FBXO36: variants seen among roughly 807,000 people sequenced by gnomAD.
The protein encoded by FBXO36 is F-box only protein 36.
FBXO36 carries 18 observed loss-of-function variants against 17.0 expected under a neutral mutation model. The observed-to-expected ratio is 1.06, with a 90% CI of 0.73 to 1.57. FBXO36 has a LOEUF of 1.57. FBXO36 is among the 40% of genes most tolerant of loss of function. The pLI is 0.00. For synonymous variants in FBXO36, 83 were observed against 85.3 expected (o/e 0.97, Z 0.15); for missense variants, 229 against 221.9 (o/e 1.03, Z -0.20).
intron 1 of FBXO36, among the ~76,000 whole-genome samples, chr2:229,974,296 G>A (rs1388586241): frequency 1.3e-5 from 2 of 152,050 alleles, no homozygotes; most frequent in Admixed American, 6.6e-5. Context: ...AGCTAGCTGT[G>A]TTTCCTTAAG....
At chr2:229,928,413 C>T (rs955992126) in intron 1 of FBXO36, among the ~76,000 whole-genome samples, 5 of 152,168 alleles carry the variant, frequency 3.3e-5, no homozygotes, top group South Asian at 2.1e-4. Context: ...TTTTACTCTC[C>T]GCATTCATAT....
chr2:229,934,997 T>A (rs1354741181), intron 1 of FBXO36, among the ~76,000 whole-genome samples: 3 of 152,208 alleles, frequency 2.0e-5, no homozygotes, highest in African/African-American at 7.2e-5. Context: ...TATTCTAACC[T>A]CCTCTTTAGA....
intron 2 of FBXO36, among the ~76,000 whole-genome samples, chr2:229,993,857 G>A (rs779610657): frequency 1.4e-4 from 21 of 152,044 alleles, no homozygotes; most frequent in Admixed American, 2.0e-4. Flanking sequence ...TGCAACCTCC[G>A]CCATTCTCCC....
chr2:230,000,544 G>T (rs1461764750), intron 3 of FBXO36, among the ~76,000 whole-genome samples: 1 of 151,836 alleles, frequency 6.6e-6, no homozygotes, highest in Non-Finnish European at 1.5e-5. Context: ...GCTCCTGCAA[G>T]TAAATGGAAG....
intron 1 of FBXO36, among the ~76,000 whole-genome samples, chr2:229,929,611 G>A (rs1337457014): frequency 1.3e-5 from 2 of 151,230 alleles, no homozygotes; most frequent in African/African-American, 4.9e-5. Context: ...GGTGGCTCAT[G>A]CCTGTAATCC....
chr2:229,929,316 A>C lies in FBXO36; in HGVS notation c.96+6707A>C, dbSNP rs185177410. ...TGGTAGCTCACACCTGTAATCCCAGAACTTTGGGAGCCTGAGGCAGGCAGA... is the reference window on the plus strand; with the variant it reads ...TGGTAGCTCACACCTGTAATCCCAGCACTTTGGGAGCCTGAGGCAGGCAGA... On this transcript the variant is annotated intron_variant, in intron 1 of 3. Coordinates refer to ENST00000283946, the MANE Select transcript of FBXO36 (RefSeq NM_174899.5). Among the ~76,000 whole-genome samples the C allele has an allele frequency of 3.6e-4, 54 of 152,096 alleles. No individual in the cohort carries two copies. In the East Asian group the frequency reaches 8.4e-3, roughly 24 times the overall value.
At chr2:229,935,291 C>G (rs1232848927) in intron 1 of FBXO36, among the ~76,000 whole-genome samples, 1 of 152,116 alleles carries the variant, frequency 6.6e-6, no homozygotes. Context: ...CTCAGATGCA[C>G]CAGCTCAGCA....
intron 1 of FBXO36, among the ~76,000 whole-genome samples, chr2:229,941,997 CAG>C (rs113821745): frequency 7.9e-4 from 120 of 151,832 alleles, no homozygotes; most frequent in African/African-American, 2.7e-3. Flanking sequence ...GCCTGGGTGA[CAG>C]AGCAAGGCTC....
chr2:229,948,271 C>T (rs921851584), intron 1 of FBXO36, among the ~76,000 whole-genome samples: 5 of 152,146 alleles, frequency 3.3e-5, no homozygotes, highest in African/African-American at 1.2e-4. Flanking sequence ...TTCTAATCTA[C>T]ACAAGTTATT....
At chr2:229,959,736 C>T (rs1181739030) in intron 1 of FBXO36, among the ~76,000 whole-genome samples, 4 of 151,950 alleles carry the variant, frequency 2.6e-5, no homozygotes, top group Non-Finnish European at 5.9e-5. Flanking sequence ...GTCCCAGCTA[C>T]TCAGGAGACT....
At chr2:229,981,338 C>CT (rs2077238639) in intron 2 of FBXO36, among the ~76,000 whole-genome samples, 1 of 151,916 alleles carries the variant, frequency 6.6e-6, no homozygotes, top group Non-Finnish European at 1.5e-5. Flanking sequence ...CTAAAAAAAA[C>CT]TTTAACAAAA....
intron 1 of FBXO36, among the ~76,000 whole-genome samples, chr2:229,945,455 C>T (rs1045279422): frequency 2.0e-5 from 3 of 152,072 alleles, no homozygotes; most frequent in East Asian, 1.9e-4. Context: ...TACAGGTGCC[C>T]GCCACCACGC....
At position 229,922,954 on chromosome 2, in the gene FBXO36, A is replaced by G. The variant is rs73998710; in HGVS notation, c.96+345A>G. On this transcript the variant is annotated intron_variant, in intron 1 of 3. Coordinates refer to ENST00000283946, the MANE Select transcript of FBXO36 (RefSeq NM_174899.5). ...GCGTGCGGCCTCACCTCAGCGTGAG[A>G]AGGAGGGAAAGAACGACTCAGCCAA... Among the ~76,000 whole-genome samples, 1,068 of 152,282 alleles carry G rather than the reference A, an allele frequency of 7.0e-3. 15 individuals carry two copies. Among genetic ancestry groups the G allele is most frequent in the African/African-American group, 0.024 (1,004 of 41,548 alleles).
rs560628159 is a variant in FBXO36, at chr2:229,977,123, C to T, written c.205+774C>T. 9 of 152,118 alleles carry T rather than the reference C, an allele frequency of 5.9e-5. 1 individual carries two copies. The South Asian group carries it at 1.7e-3, about 28-fold the overall frequency. The allele number at this position is 152,118 out of a possible 1,614,324, so 9.4% of individuals were successfully genotyped here. On this transcript the variant is annotated intron_variant, in intron 2 of 3. Coordinates refer to ENST00000283946, the MANE Select transcript of FBXO36 (RefSeq NM_174899.5). ...ACTGGGTAAAGAGAAATTTCCTTTT[C>T]CTATGCTACAACCATCTATATTTAA...
At chr2:229,941,319 G>T (rs2106163203) in intron 1 of FBXO36, among the ~76,000 whole-genome samples, 1 of 152,268 alleles carries the variant, frequency 6.6e-6, no homozygotes, top group African/African-American at 2.4e-5. Flanking sequence ...GCTGGGTGTG[G>T]TGGCACACGC....
intron 1 of FBXO36, among the ~76,000 whole-genome samples, chr2:229,933,161 G>C (rs1226364650): frequency 6.6e-6 from 1 of 152,170 alleles, no homozygotes. Context: ...GGGAGGACGA[G>C]GCGGGTGGAT....
At chr2:229,984,120 C>T (rs1254334047) in intron 2 of FBXO36, among the ~76,000 whole-genome samples, 6 of 151,970 alleles carry the variant, frequency 3.9e-5, no homozygotes, top group East Asian at 2.0e-4. Context: ...GAGGCCGAGG[C>T]GGGTGGATCC....
chr2:229,938,776 C>T (rs1163838476), intron 1 of FBXO36, among the ~76,000 whole-genome samples: 1 of 102,704 alleles, frequency 9.7e-6, no homozygotes, highest in East Asian at 2.9e-4. Flanking sequence ...TTTTTTCCCC[C>T]GAGGCAGAGT....
At chr2:229,976,546 C>A in intron 2 of FBXO36, 197 bp downstream of exon 2, 1 of 462,990 alleles carries the variant, frequency 2.2e-6, no homozygotes, top group East Asian at 4.0e-5. Context: ...TTTGGCCGGG[C>A]GCGGTCGCTC....
Sources: gnomAD v4.1 joint callset for allele counts (sites outside exome capture counted in the v4.1 genomes callset) on GRCh38, gnomAD v4.1.1 for gene constraint, MANE v1.5 for transcripts, NCBI Gene and HGNC (gene_info 2026-07-23, HGNC 2026-07-21) for gene names.